Variants in NCOA1 observed in about 807,000 individuals in gnomAD.
NCOA1 encodes the protein nuclear receptor coactivator 1.
In NCOA1, 35 loss-of-function variants were observed where a neutral mutation model predicts 150.9. That is an observed-to-expected ratio of 0.23 (90% confidence interval 0.18 to 0.31). The LOEUF is 0.31. NCOA1 is among the 10% of genes least tolerant of loss of function. The pLI is 1.00. For synonymous variants in NCOA1, 590 were observed against 630.0 expected, an observed-to-expected ratio of 0.94 and a Z score of 0.95; for missense variants, 1,491 against 1,749.3, an observed-to-expected ratio of 0.85 and a Z score of 2.63.
intron 5 of NCOA1, among the ~76,000 whole-genome samples, chr2:24,662,915 G>GT (rs1671249651): frequency 6.6e-6 from 1 of 151,592 alleles, no homozygotes; most frequent in Non-Finnish European, 1.5e-5. Context: ...AGCCTCCTGA[G>GT]TAACTAGGAC....
At chr2:24,496,219 TA>T (rs773268704) in intron 1 of NCOA1, among the ~76,000 whole-genome samples, 2 of 152,228 alleles carry the variant, frequency 1.3e-5, no homozygotes, top group Non-Finnish European at 2.9e-5. Flanking sequence ...AATTCCCTTC[TA>T]AAAAAATTTT....
chr2:24,709,094 C>T (rs1673605095), intron 13 of NCOA1, among the ~76,000 whole-genome samples: 1 of 152,124 alleles, frequency 6.6e-6, no homozygotes, highest in South Asian at 2.1e-4. Flanking sequence ...ATAAGGCTGT[C>T]TCGTGTTTCT....
intron 22 of NCOA1, chr2:24,767,877 G>A: frequency 2.0e-6 from 1 of 506,576 alleles, no homozygotes; most frequent in South Asian, 3.5e-5. Flanking sequence ...TAAATATCAT[G>A]TATTTTTTAA....
chr2:24,600,375 T>C (rs1359933344), intron 3 of NCOA1, among the ~76,000 whole-genome samples: 2 of 152,008 alleles, frequency 1.3e-5, no homozygotes, highest in African/African-American at 2.4e-5. Flanking sequence ...CCTGCTAATT[T>C]TTTGTATTTT....
intron 4 of NCOA1, among the ~76,000 whole-genome samples, chr2:24,651,357 ATAT>A (rs1670704475): frequency 6.6e-6 from 1 of 152,098 alleles, no homozygotes. Flanking sequence ...ATGCAATGGA[ATAT>A]TATTCAGCCA....
intron 1 of NCOA1, among the ~76,000 whole-genome samples, chr2:24,523,528 C>T (rs1664509820): frequency 7.1e-6 from 1 of 140,298 alleles, no homozygotes. Context: ...ATGGCGTGAA[C>T]CCGGGAGATG....
At chr2:24,610,564 T>C (rs56240559) in intron 3 of NCOA1, among the ~76,000 whole-genome samples, 10,216 of 152,156 alleles carry the variant, frequency 0.067, 371 homozygotes, top group East Asian at 0.13. Flanking sequence ...TGTTTGGTTA[T>C]TTTTCAGATT....
At chr2:24,570,748 G>A (rs1666710316) in intron 2 of NCOA1, among the ~76,000 whole-genome samples, 1 of 152,174 alleles carries the variant, frequency 6.6e-6, no homozygotes, top group South Asian at 2.1e-4. Context: ...CCAGTTTACA[G>A]GAAACACAGA....
chr2:24,588,225 C>T (rs1436633548), intron 3 of NCOA1, among the ~76,000 whole-genome samples: 1 of 152,136 alleles, frequency 6.6e-6, no homozygotes, highest in Non-Finnish European at 1.5e-5. Flanking sequence ...GCTGGGACTA[C>T]AGGTGCTCGC....
chr2:24,497,047 G>A (rs1663248348), intron 1 of NCOA1, among the ~76,000 whole-genome samples: 1 of 152,116 alleles, frequency 6.6e-6, no homozygotes, highest in Non-Finnish European at 1.5e-5. Flanking sequence ...ATTGAGTGTT[G>A]TCTCTGAGCC....
chr2:24,505,882 T>C (rs1010955071), intron 1 of NCOA1, among the ~76,000 whole-genome samples: 6 of 151,982 alleles, frequency 3.9e-5, no homozygotes, highest in East Asian at 1.9e-4. Context: ...ACGTAGAGAG[T>C]GCCTTGAAGG....
chr2:24,684,977 A>G (rs1433961095), intron 8 of NCOA1, among the ~76,000 whole-genome samples: 2 of 152,146 alleles, frequency 1.3e-5, no homozygotes, highest in Admixed American at 1.3e-4. Context: ...AAAATTAAGG[A>G]AAGAGACCAA....
At chr2:24,735,988 A>C (rs1262822738) in intron 17 of NCOA1, among the ~76,000 whole-genome samples, 1 of 152,056 alleles carries the variant, frequency 6.6e-6, no homozygotes, top group African/African-American at 2.4e-5. Flanking sequence ...TTGGGAGGCC[A>C]AGGCAGGTGG....
Position 24,726,649 on chromosome 2 carries a change from A to T in NCOA1, c.2660A>T (p.Asp887Val). 1.2e-6 allele frequency: 2 copies of T among 1,611,652 alleles called. No individual in the cohort carries two copies. Among genetic ancestry groups the T allele is most frequent in the Non-Finnish European group, 1.7e-6 (2 of 1,178,896 alleles). Reference protein sequence around the residue: ...DNQFGQPGTGDQIPWTNNTVT... With the variant: ...DNQFGQPGTGVQIPWTNNTVT... ...CAATTTGGACAACCAGGAACAGGCG[A>T]TCAGATTCCATGGACAAATAATACA... Residue 887 changes from aspartate to valine, a missense_variant, in exon 15 of 23, where the codon GAT becomes GTT. Physicochemically the swap from Asp to Val is radical, Grantham distance 152. Around this residue, in one of 8 missense-constraint regions of NCOA1, gnomAD observed 703 missense variants for 717.7 expected, o/e 0.98. Coordinates refer to ENST00000348332, the MANE Select transcript of NCOA1 (RefSeq NM_003743.5).
At chr2:24,765,954 G>A (rs574047634) in intron 22 of NCOA1, among the ~76,000 whole-genome samples, 2 of 140,298 alleles carry the variant, frequency 1.4e-5, no homozygotes, top group South Asian at 4.6e-4. Context: ...ACGCTGGAAT[G>A]CAGTGGTGCA....
chr2:24,723,478 G>C (rs1208426855), intron 14 of NCOA1, among the ~76,000 whole-genome samples: 2 of 152,202 alleles, frequency 1.3e-5, no homozygotes, highest in African/African-American at 4.8e-5. Context: ...TCAAAAGATA[G>C]ATATTGCCAA....
chr2:24,500,618 A>G lies in NCOA1; in HGVS notation c.-396+9016A>G, dbSNP rs181180861. On this transcript the variant is annotated intron_variant, in intron 1 of 22. Coordinates refer to ENST00000348332, the MANE Select transcript of NCOA1 (RefSeq NM_003743.5). ...ATGCAGATCTTTTTAATACCATTTC[A>G]TAGAGATTAAGTGGTCACCTTGAGG... Among the ~76,000 whole-genome samples, 57 of 152,300 alleles carry G rather than the reference A, an allele frequency of 3.7e-4. 1 individual carries two copies. The highest frequency in any genetic ancestry group is 1.3e-3 in the African/African-American group (54 of 41,550).
chr2:24,590,003 GA>G (rs1386380839), intron 3 of NCOA1, among the ~76,000 whole-genome samples: 1 of 152,118 alleles, frequency 6.6e-6, no homozygotes, highest in African/African-American at 2.4e-5. Flanking sequence ...GAGCAGAAGG[GA>G]TATCTGCTCT....
At chr2:24,537,049 A>G (rs1218990190) in intron 1 of NCOA1, among the ~76,000 whole-genome samples, 2 of 152,028 alleles carry the variant, frequency 1.3e-5, no homozygotes, top group African/African-American at 4.8e-5. Context: ...TGATGAGTGC[A>G]CTGAAATCTC....
Sources: allele counts gnomAD v4.1 joint callset (sites outside exome capture counted in the v4.1 genomes callset), GRCh38; gene constraint gnomAD v4.1.1; regional missense constraint gnomAD v4.1.1; transcripts MANE v1.5; gene names NCBI Gene and HGNC (gene_info 2026-07-23, HGNC 2026-07-21).